The following RILPL2 variants were observed in gnomAD, a reference collection of about 807,000 sequenced individuals.
The protein encoded by RILPL2 is Rab interacting lysosomal protein like 2.
Under a neutral mutation model 22.2 loss-of-function variants are expected in RILPL2, and 19 were observed. The ratio of observed to expected loss-of-function variants is 0.86; its 90% CI spans 0.60 to 1.25. RILPL2 has a LOEUF of 1.25. Among genes scored for constraint, RILPL2 ranks in the 50% most tolerant of loss-of-function variants. The probability of loss-of-function intolerance (pLI) is 0.00; values close to 1 mark genes in which losing one functional copy is unlikely to be tolerated. For synonymous variants in RILPL2, 123 were observed against 111.6 expected (o/e 1.10, Z -0.64); for missense variants, 243 against 263.6 (o/e 0.92, Z 0.54).
At chr12:123,433,346 G>A (rs1879706633) in intron 1 of RILPL2, among the ~76,000 whole-genome samples, 1 of 152,160 alleles carries the variant, frequency 6.6e-6, no homozygotes. Flanking sequence ...TGATCCACCT[G>A]CCTTGGCCTC....
intron 2 of RILPL2, among the ~76,000 whole-genome samples, chr12:123,429,991 C>T (rs1331131252): frequency 1.3e-5 from 2 of 148,170 alleles, no homozygotes; most frequent in African/African-American, 2.5e-5. Flanking sequence ...TGGCATGCAC[C>T]TGTGGTCTCA....
intron 1 of RILPL2, 100 bp from the exon 2 acceptor site, chr12:123,430,759 G>A: frequency 1.1e-6 from 1 of 937,940 alleles, no homozygotes; most frequent in East Asian, 6.0e-5. Context: ...CCAGGCTGGA[G>A]TGCCATGGCA....
At chr12:123,429,561 C>T (rs954101852) in intron 2 of RILPL2, among the ~76,000 whole-genome samples, 1 of 152,076 alleles carries the variant, frequency 6.6e-6, no homozygotes, top group Admixed American at 6.6e-5. Context: ...TCCCAAGGTG[C>T]TGGGATTACA....
intron 2 of RILPL2, among the ~76,000 whole-genome samples, chr12:123,424,736 C>T (rs1879388680): frequency 6.6e-6 from 1 of 152,166 alleles, no homozygotes; most frequent in Admixed American, 6.6e-5. Context: ...TGAAACATTT[C>T]AATTACGGCA....
rs750204795 is a variant in RILPL2 at position 123,436,154 on chromosome 12, C to T, written c.267G>A (p.Leu89=). 4.4e-6 allele frequency: 7 copies of T among 1,605,586 alleles called. No individual in the cohort carries two copies. Among genetic ancestry groups the T allele is most frequent in the Middle Eastern group, 1.7e-4 (1 of 6,054 alleles). ...TCCTGAGGTGGTCCCTCTCCATCTT[C>T]AGCTCCTCCAGCGCCAGGCTGCCCT... is the stretch of plus-strand genomic sequence containing the variant. ...VNEGSLALEE[L]KMERDHLRKE... The change falls in exon 1 of 4, where the codon CTG becomes CTA. Residue 89 remains leucine (L), a synonymous_variant. Transcript: ENST00000280571. This position sits in a 1 kb window ranked among gnomAD's most constrained non-coding sequence, Gnocchi z 6.7.
chr12:123,427,191 C>T (rs892929493), intron 2 of RILPL2, among the ~76,000 whole-genome samples: 7 of 152,132 alleles, frequency 4.6e-5, no homozygotes, highest in Non-Finnish European at 5.9e-5. Flanking sequence ...TGGCGGAGGG[C>T]TGTGCACAGC....
In RILPL2 at chr12:123,436,115, C is replaced by A; in HGVS notation, c.306G>T (p.Gly102=). The A allele has an allele frequency of 6.3e-7, 1 of 1,588,602 alleles. No individual in the cohort carries two copies. The highest frequency in any genetic ancestry group is 8.6e-7 in the Non-Finnish European group (1 of 1,168,056). ...TGGCCGGAGGGCTCTGTCTCCGCAGCCCCTCCACCTCCTTCCTGAGGTGGT... is the reference window on the plus strand; with the variant it reads ...TGGCCGGAGGGCTCTGTCTCCGCAGACCCTCCACCTCCTTCCTGAGGTGGT... The part of the protein sequence containing the change: ...ERDHLRKEVE[G]LRRQSPPASG... The change falls in exon 1 of 4, where the codon GGG becomes GGT. Residue 102 remains glycine, a synonymous_variant. Coordinates refer to ENST00000280571, the MANE Select transcript of RILPL2 (RefSeq NM_145058.3). This position sits in a 1 kb window ranked among gnomAD's most constrained non-coding sequence, Gnocchi z 6.7.
intron 1 of RILPL2, 58 bp from the exon 2 acceptor site, chr12:123,430,717 A>C (rs1879621096): frequency 8.7e-7 from 1 of 1,151,692 alleles, no homozygotes; most frequent in Non-Finnish European, 1.1e-6. Flanking sequence ...TATTATTATT[A>C]TTATTATATT....
At chr12:123,426,328 T>G (rs1234346564) in intron 2 of RILPL2, among the ~76,000 whole-genome samples, 1 of 151,986 alleles carries the variant, frequency 6.6e-6, no homozygotes, top group East Asian at 1.9e-4. Context: ...TTTGTATTTT[T>G]AGTATTGACG....
chr12:123,423,740 G>A (rs896472939), intron 2 of RILPL2, among the ~76,000 whole-genome samples: 4 of 150,640 alleles, frequency 2.7e-5, no homozygotes, highest in Admixed American at 6.7e-5. Flanking sequence ...TGCAAGCTCC[G>A]CCTCCCAGGT....
Position 123,430,609 on chromosome 12 carries a change from T to A in RILPL2, c.390A>T (p.Arg130=). The A allele has an allele frequency of 6.2e-7, 1 of 1,610,802 alleles. No individual in the cohort carries two copies. Among genetic ancestry groups the A allele is most frequent in the Non-Finnish European group, 8.5e-7 (1 of 1,178,080 alleles). ...KMVVDLTDPN[R]PRFTLQELRD... ...TTAGCTCCTGCAGAGTGAAGCGGGG[T>A]CGGTTGGGATCTGTCAGGTCAACCA... The change falls in exon 2 of 4, where the codon CGA becomes CGT. Residue 130 remains arginine (R), a synonymous_variant. Coordinates refer to ENST00000280571, the MANE Select transcript of RILPL2 (RefSeq NM_145058.3).
chr12:123,432,126 C>T (rs150340969), intron 1 of RILPL2, among the ~76,000 whole-genome samples: 65 of 152,104 alleles, frequency 4.3e-4, no homozygotes, highest in Middle Eastern at 3.4e-3. Flanking sequence ...GAACTCTGAC[C>T]TCAGGTGACC....
rs930801705 is a variant in RILPL2, at chr12:123,415,929, G to T, written c.606-8C>A. On this transcript the variant is annotated splice_polypyrimidine_tract_variant and splice_region_variant and intron_variant, in intron 3 of 3. Coordinates refer to ENST00000280571, the MANE Select transcript of RILPL2 (RefSeq NM_145058.3). Reference sequence around the variant, plus strand: ...CCCGATCGAAAAAAGAACCTGGTGTGGAGAGAGAGAGGGTTCAGGGTAAGC... The same window carrying T: ...CCCGATCGAAAAAAGAACCTGGTGTTGAGAGAGAGAGGGTTCAGGGTAAGC... 2 of 1,613,882 alleles carry T rather than the reference G, an allele frequency of 1.2e-6. No individual in the cohort carries two copies. Among genetic ancestry groups the T allele is most frequent in the Non-Finnish European group, 1.7e-6 (2 of 1,179,844 alleles).
At chr12:123,417,526 T>C (rs1879151082) in intron 3 of RILPL2, among the ~76,000 whole-genome samples, 1 of 151,456 alleles carries the variant, frequency 6.6e-6, no homozygotes, top group South Asian at 2.1e-4. Context: ...CCCTCCCACC[T>C]CTCCAATCCC....
At chr12:123,416,843 C>T (rs138420584) in intron 3 of RILPL2, among the ~76,000 whole-genome samples, 73 of 152,236 alleles carry the variant, frequency 4.8e-4, no homozygotes, top group African/African-American at 1.3e-3. Flanking sequence ...CCTAAGCTCC[C>T]GTAGAAGGAC....
downstream of RILPL2, chr12:123,413,769 C>T (rs962667156): frequency 1.3e-5 from 2 of 152,166 alleles, no homozygotes; most frequent in African/African-American, 2.4e-5. Context: ...CTGATTGGTG[C>T]GTTTACAATC....
intron 2 of RILPL2, among the ~76,000 whole-genome samples, chr12:123,423,775 C>T (rs564840400): frequency 2.0e-5 from 3 of 151,748 alleles, no homozygotes; most frequent in African/African-American, 4.8e-5. Context: ...TGCCTCAGCC[C>T]CCCGAGTAGC....
At chr12:123,431,384 TG>T (rs920356079) in intron 1 of RILPL2, among the ~76,000 whole-genome samples, 2 of 14,850 alleles carry the variant, frequency 1.3e-4, no homozygotes, top group Non-Finnish European at 2.7e-4. Context: ...AAGTAGTTAC[TG>T]GGGGGCCGGG....
chr12:123,414,978 G>C (rs1025220270), downstream of RILPL2: 1 of 149,886 alleles, frequency 6.7e-6, no homozygotes, highest in African/African-American at 2.4e-5. Context: ...ACCGGTACCG[G>C]TCCCCATCTC....
Sources: gnomAD v4.1 joint callset for allele counts (sites outside exome capture counted in the v4.1 genomes callset) on GRCh38, gnomAD v4.1.1 for gene constraint, Gnocchi (gnomAD v3.1) non-coding constraint, MANE v1.5 for transcripts, NCBI Gene and HGNC (gene_info 2026-07-23, HGNC 2026-07-21) for gene names.